MAP3K1: variants seen among roughly 807,000 people sequenced by gnomAD.
MAP3K1 encodes MAP/ERK kinase kinase 1.
Under a neutral mutation model 144.2 loss-of-function variants are expected in MAP3K1, and 36 were observed. That is an observed-to-expected ratio of 0.25 (90% CI 0.19 to 0.33). The LOEUF (loss-of-function observed/expected upper bound fraction) is 0.33. Among genes scored for constraint, MAP3K1 ranks in the 10% least tolerant of loss-of-function variants. The pLI is 1.00. For missense variants in MAP3K1, 1,650 were observed against 1,881.9 expected, an observed-to-expected ratio of 0.88 and a Z score of 2.28; for synonymous variants, 718 against 688.7, an observed-to-expected ratio of 1.04 and a Z score of -0.67.
chr5:56,821,883 A>G (rs906550526), intron 1 of MAP3K1, among the ~76,000 whole-genome samples: 1 of 152,226 alleles, frequency 6.6e-6, no homozygotes, highest in Non-Finnish European at 1.5e-5. Flanking sequence ...GTTAACATGA[A>G]TTAATTTTCC....
At chr5:56,888,795 A>C (rs1351015584) in intron 19 of MAP3K1, among the ~76,000 whole-genome samples, 1 of 152,208 alleles carries the variant, frequency 6.6e-6, no homozygotes, top group African/African-American at 2.4e-5. Context: ...GGTTAGGTGT[A>C]TTAACTGCAT....
chr5:56,856,782 A>G (rs923025747), intron 2 of MAP3K1, 32 bp downstream of exon 2: 3 of 1,611,408 alleles, frequency 1.9e-6, no homozygotes, highest in Non-Finnish European at 2.5e-6. Context: ...GTTATAAGGA[A>G]GAAAGCATAG....
chr5:56,868,823 A>G (rs1747762739), intron 6 of MAP3K1, among the ~76,000 whole-genome samples: 1 of 152,230 alleles, frequency 6.6e-6, no homozygotes, highest in Admixed American at 6.5e-5. Flanking sequence ...CCAGGTGTCC[A>G]TCAATAAATG....
chr5:56,840,868 AG>A (rs985208600), intron 1 of MAP3K1, among the ~76,000 whole-genome samples: 5 of 148,870 alleles, frequency 3.4e-5, no homozygotes, highest in Middle Eastern at 3.4e-3. Flanking sequence ...AAAATTGTTA[AG>A]GTTTTTTTTT....
chr5:56,880,426 A>G lies in MAP3K1; in HGVS notation c.2088-285A>G, dbSNP rs187334801. ...TCCTTGTTTTTTCTTTTAACAAAAT[A>G]TAAGACTTTTATCTGATTTGGTATT... On this transcript the variant is annotated intron_variant, in intron 11 of 19. Transcript: ENST00000399503. Among the ~76,000 whole-genome samples, 9 of 152,334 alleles carry G rather than the reference A, an allele frequency of 5.9e-5. No homozygotes were observed. In the East Asian group the frequency reaches 1.7e-3, roughly 29 times the overall value.
chr5:56,816,186 C>A lies in MAP3K1; in HGVS notation c.482+131C>A, dbSNP rs542242282. 22 of 950,544 alleles carry A rather than the reference C, an allele frequency of 2.3e-5. No individual in the cohort carries two copies. In the Admixed American group the frequency reaches 7.5e-4, roughly 32 times the overall value. The allele number at this position is 950,544 out of a possible 1,614,324, so 58.9% of individuals were successfully genotyped here. A position where few individuals can be genotyped will look rare whatever the true frequency, so the allele number is the denominator to read the frequency against. ...GCTACGCGCCGCTCGCCGGGACCTACGCCCCTGAGCACCCCCCGACCCCTT... is the reference window on the plus strand; with the variant it reads ...GCTACGCGCCGCTCGCCGGGACCTAAGCCCCTGAGCACCCCCCGACCCCTT... On this transcript the variant is annotated intron_variant, in intron 1 of 19. Transcript: ENST00000399503.
chr5:56,860,527 A>C (rs1190735078), intron 3 of MAP3K1, among the ~76,000 whole-genome samples: 1 of 152,186 alleles, frequency 6.6e-6, no homozygotes, highest in Non-Finnish European at 1.5e-5. Context: ...CATTTTTCTT[A>C]AGGTGAATTA....
chr5:56,893,044 AAGAATC>A (rs1288924057), intron 19 of MAP3K1, among the ~76,000 whole-genome samples: 1 of 152,224 alleles, frequency 6.6e-6, no homozygotes, highest in East Asian at 1.9e-4. Flanking sequence ...ATTTGATACT[AAGAATC>A]AGAATTTGTC....
intron 19 of MAP3K1, among the ~76,000 whole-genome samples, chr5:56,892,024 T>C (rs1748564143): frequency 6.6e-6 from 1 of 152,208 alleles, no homozygotes; most frequent in Non-Finnish European, 1.5e-5. Flanking sequence ...GTGGGCTCTT[T>C]TTTGGTTCCA....
intron 1 of MAP3K1, among the ~76,000 whole-genome samples, chr5:56,829,596 A>G (rs1746428164): frequency 6.6e-6 from 1 of 152,140 alleles, no homozygotes; most frequent in South Asian, 2.1e-4. Flanking sequence ...GTAGTAAAGA[A>G]TGCTTGATCC....
At position 56,882,822 on chromosome 5, in the gene MAP3K1, C is replaced by T. The variant is rs1195181480; in HGVS notation, c.3622C>T (p.Leu1208=). The T allele has an allele frequency of 2.5e-6, 4 of 1,612,330 alleles. No homozygotes were observed. The highest frequency in any genetic ancestry group is 1.3e-5 in the African/African-American group (1 of 74,856). The change falls in exon 14 of 20, where the codon CTG becomes TTG. Residue 1208 remains leucine, a synonymous_variant. Coordinates refer to ENST00000399503, the MANE Select transcript of MAP3K1 (RefSeq NM_005921.2). The stretch of plus-strand genomic sequence containing the variant: ...GGATGCCCTCCCCATAGTTCCTCAG[C>T]TGCAGGTTGAAAATGGAGAAGATAT... The part of the protein sequence containing the change: ...SQDALPIVPQ[L]QVENGEDIII...
chr5:56,829,315 T>C (rs2111775870), intron 1 of MAP3K1, among the ~76,000 whole-genome samples: 3 of 151,642 alleles, frequency 2.0e-5, no homozygotes, highest in Admixed American at 2.0e-4. Flanking sequence ...CCTGCGTAGC[T>C]GGGACCACAG....
chr5:56,870,228 A>G (rs553762973), intron 6 of MAP3K1, among the ~76,000 whole-genome samples: 1 of 152,318 alleles, frequency 6.6e-6, no homozygotes, highest in South Asian at 2.1e-4. Flanking sequence ...GCAGACTCTG[A>G]AATTTATAGA....
At chr5:56,856,315 G>A (rs984777981) in intron 1 of MAP3K1, among the ~76,000 whole-genome samples, 3 of 152,148 alleles carry the variant, frequency 2.0e-5, no homozygotes, top group Admixed American at 6.6e-5. Flanking sequence ...TTGGGTGGTA[G>A]AATTAAAAAC....
Position 56,894,835 on chromosome 5 carries a change from G to GTTCA in MAP3K1, c.*1155_*1156insTTCA, listed in dbSNP as rs1748655759. The stretch of plus-strand genomic sequence containing the variant: ...TAAACAGTACATTTGCTTTGAACTT[G>GTTCA]GAAAATGTGTTCAGAAAGAAAAATG... On this transcript the variant is annotated 3_prime_UTR_variant, in exon 20 of 20. Transcript: ENST00000399503. 1 of 231,782 alleles carries GTTCA rather than the reference G, an allele frequency of 4.3e-6. No individual in the cohort carries two copies. Among genetic ancestry groups the GTTCA allele is most frequent in the African/African-American group, 2.2e-5 (1 of 45,234 alleles). 14.4% of individuals were successfully genotyped at this position (231,782 alleles called of 1,614,324 possible).
chr5:56,826,909 T>C (rs990777099), intron 1 of MAP3K1, among the ~76,000 whole-genome samples: 1 of 152,172 alleles, frequency 6.6e-6, no homozygotes, highest in Non-Finnish European at 1.5e-5. Flanking sequence ...CACTTGCCTG[T>C]GGAGGAGCTT....
chr5:56,878,737 C>G (rs1424787483), intron 10 of MAP3K1, among the ~76,000 whole-genome samples: 1 of 152,022 alleles, frequency 6.6e-6, no homozygotes, highest in Non-Finnish European at 1.5e-5. Context: ...AACTTTTCAT[C>G]TTGAAATGAA....
In MAP3K1 at chr5:56,874,587, C is replaced by G. The variant is rs189042234; in HGVS notation, c.1687-445C>G. Reference sequence around the variant, plus strand: ...TCTGTAAGAGAAATACTCTATATCTCTTGAAACCTTCTCCTGGTGCTTTTT... The same window carrying G: ...TCTGTAAGAGAAATACTCTATATCTGTTGAAACCTTCTCCTGGTGCTTTTT... On this transcript the variant is annotated intron_variant, in intron 9 of 19. Coordinates refer to ENST00000399503, the MANE Select transcript of MAP3K1 (RefSeq NM_005921.2). Among the ~76,000 whole-genome samples, 23 of 152,276 alleles carry G rather than the reference C, an allele frequency of 1.5e-4. No individual in the cohort carries two copies. In the East Asian group the frequency reaches 4.2e-3, roughly 28 times the overall value.
intron 1 of MAP3K1, among the ~76,000 whole-genome samples, chr5:56,854,783 T>G (rs750069003): frequency 2.0e-5 from 3 of 152,216 alleles, no homozygotes; most frequent in Non-Finnish European, 2.9e-5. Flanking sequence ...GGAAGAGAGA[T>G]AGCTAGGACC....
Sources: gnomAD v4.1 joint callset for allele counts (sites outside exome capture counted in the v4.1 genomes callset) on GRCh38, gnomAD v4.1.1 for gene constraint, MANE v1.5 for transcripts, NCBI Gene and HGNC (gene_info 2026-07-23, HGNC 2026-07-21) for gene names.